The following KIF16B variants were observed in gnomAD, a reference collection of about 807,000 sequenced individuals.
KIF16B encodes kinesin family member 16B, also known as kinesin-like protein KIF16B.
Under a neutral mutation model 156.3 loss-of-function variants are expected in KIF16B, and 98 were observed. The observed-to-expected ratio is 0.63, with a 90% CI of 0.53 to 0.74. The LOEUF is 0.74. KIF16B is among the 30% of genes least tolerant of loss of function. The pLI is 0.00. For missense variants in KIF16B, 1,421 were observed against 1,606.5 expected, an observed-to-expected ratio of 0.88 and a Z score of 1.97; for synonymous variants, 564 against 583.7, an observed-to-expected ratio of 0.97 and a Z score of 0.49.
intron 23 of KIF16B, among the ~76,000 whole-genome samples, chr20:16,353,284 G>C (rs1392080482): frequency 3.3e-5 from 5 of 152,078 alleles, no homozygotes; most frequent in African/African-American, 1.2e-4. Context: ...GCCTACGCAT[G>C]AAATGTCCAA....
At chr20:16,563,271 G>A (rs1448514161) in intron 1 of KIF16B, among the ~76,000 whole-genome samples, 1 of 152,158 alleles carries the variant, frequency 6.6e-6, no homozygotes, top group Non-Finnish European at 1.5e-5. Context: ...TGAATGTGCG[G>A]GCTAAGTCCA....
intron 23 of KIF16B, among the ~76,000 whole-genome samples, chr20:16,352,956 C>T (rs575066944): frequency 1.1e-4 from 16 of 152,296 alleles, no homozygotes; most frequent in African/African-American, 3.8e-4. Context: ...CCCTGCTGGT[C>T]ACAGAGGGCA....
intron 23 of KIF16B, among the ~76,000 whole-genome samples, chr20:16,341,609 A>G (rs1189664916): frequency 6.6e-6 from 1 of 152,236 alleles, no homozygotes; most frequent in African/African-American, 2.4e-5. Flanking sequence ...TCTGCCCTCG[A>G]TATTTCAGTT....
intron 25 of KIF16B, among the ~76,000 whole-genome samples, chr20:16,306,391 G>A (rs1305536854): frequency 2.6e-5 from 4 of 152,156 alleles, no homozygotes; most frequent in Non-Finnish European, 5.9e-5. Context: ...ATAACACTGT[G>A]TCAATCTGGA....
At chr20:16,550,247 A>G (rs1181553446) in intron 1 of KIF16B, among the ~76,000 whole-genome samples, 1 of 148,762 alleles carries the variant, frequency 6.7e-6, no homozygotes, top group Non-Finnish European at 1.5e-5. Context: ...ACATGAAAAA[A>G]TGCTCATCAT....
At chr20:16,532,286 G>A (rs764984008) in intron 1 of KIF16B, among the ~76,000 whole-genome samples, 2 of 152,118 alleles carry the variant, frequency 1.3e-5, no homozygotes, top group Non-Finnish European at 2.9e-5. Context: ...AACCAGCTAA[G>A]GGGTAACATC....
At chr20:16,508,806 C>T (rs905961506) in intron 6 of KIF16B, among the ~76,000 whole-genome samples, 1 of 152,186 alleles carries the variant, frequency 6.6e-6, no homozygotes, top group Non-Finnish European at 1.5e-5. Context: ...ATAGCACATA[C>T]AAGAAAAATG....
rs767466387 is a variant in KIF16B at position 16,379,293 on chromosome 20, T to C, written c.2709A>G (p.Gln903=). ...GGTACTGTAGCTGGCGTTCTTTATA[T>C]TGCAGCCTGTACTCCACTGGCTTTA... is the stretch of plus-strand genomic sequence containing the variant. ...EKIKPVEYRL[Q]YKERQLQYLL... The change falls in exon 19 of 26, where the codon CAA becomes CAG. Residue 903 remains glutamine (Q), a synonymous_variant. Transcript: ENST00000354981. 1.5e-5 allele frequency: 24 copies of C among 1,613,390 alleles called. No individual in the cohort carries two copies. Among genetic ancestry groups the C allele is most frequent in the East Asian group, 2.2e-5 (1 of 44,878 alleles).
chr20:16,406,071 G>A (rs1028908771), intron 16 of KIF16B, among the ~76,000 whole-genome samples: 72 of 152,290 alleles, frequency 4.7e-4, no homozygotes, highest in South Asian at 1.0e-3. Context: ...ATTAGAGGAA[G>A]TCACTCTCCA....
At chr20:16,348,102 A>G (rs539966436) in intron 23 of KIF16B, among the ~76,000 whole-genome samples, 4 of 152,334 alleles carry the variant, frequency 2.6e-5, no homozygotes, top group African/African-American at 9.6e-5. Flanking sequence ...AACAGCCCCA[A>G]TTTACAAAGT....
Position 16,418,623 on chromosome 20 carries a change from T to C in KIF16B, c.1612+8481A>G, listed in dbSNP as rs138831624. On this transcript the variant is annotated intron_variant, in intron 15 of 25. Coordinates refer to ENST00000354981, the MANE Select transcript of KIF16B (RefSeq NM_024704.5). ...GAGTGGTTCTGGCCAATCTACAGGG[T>C]GCACAGTGAATGTTTCCATGTCCTC... 7.9e-5 allele frequency among the ~76,000 whole-genome samples: 12 copies of C among 152,236 alleles called. 1 individual carries two copies. In the East Asian group the frequency reaches 2.1e-3, roughly 27 times the overall value.
chr20:16,312,155 C>T (rs2063628822), intron 25 of KIF16B, among the ~76,000 whole-genome samples, 180 bp downstream of exon 25: 1 of 152,156 alleles, frequency 6.6e-6, no homozygotes, highest in African/African-American at 2.4e-5. Context: ...AAGATAAGGA[C>T]TTGTATTTTA....
At chr20:16,359,566 G>C (rs536601654) in intron 22 of KIF16B, among the ~76,000 whole-genome samples, 2 of 148,880 alleles carry the variant, frequency 1.3e-5, no homozygotes, top group African/African-American at 5.0e-5. Context: ...TACAACTGCA[G>C]AGTTCTCCAT....
intron 23 of KIF16B, among the ~76,000 whole-genome samples, chr20:16,343,479 T>A (rs2064177069): frequency 6.6e-6 from 1 of 152,186 alleles, no homozygotes; most frequent in Admixed American, 6.5e-5. Context: ...GCAATATTTT[T>A]TAAAGCAACA....
chr20:16,437,967 T>C lies in KIF16B; in HGVS notation c.1303-7985A>G, dbSNP rs192039292. Among the ~76,000 whole-genome samples, 1,069 of 142,866 alleles carry C rather than the reference T, an allele frequency of 7.5e-3. 19 individuals carry two copies. The highest frequency in any genetic ancestry group is 0.027 in the African/African-American group (1,026 of 38,292). The allele number at this position is 142,866 out of a possible 152,430, so 93.7% of individuals were successfully genotyped here. On this transcript the variant is annotated intron_variant, in intron 12 of 25. Transcript: ENST00000354981. ...GGAAAACAGGGTGAAACCCCATCTCTACTAAAAATAAAAAAAAATAATAAA... is the reference window on the plus strand; with the variant it reads ...GGAAAACAGGGTGAAACCCCATCTCCACTAAAAATAAAAAAAAATAATAAA...
chr20:16,431,862 TATATATATATATAC>T (rs1273160068), intron 12 of KIF16B, among the ~76,000 whole-genome samples: 2 of 142,248 alleles, frequency 1.4e-5, no homozygotes, highest in Non-Finnish European at 3.1e-5. Flanking sequence ...TATTAGTGTG[TATATATATATATAC>T]ATATATATAT....
At chr20:16,405,787 T>C (rs2065768071) in intron 16 of KIF16B, among the ~76,000 whole-genome samples, 1 of 152,186 alleles carries the variant, frequency 6.6e-6, no homozygotes. Flanking sequence ...GTAGAAATGT[T>C]AGCTGTAGCC....
At chr20:16,530,552 C>T (rs1486858396) in intron 1 of KIF16B, among the ~76,000 whole-genome samples, 2 of 152,134 alleles carry the variant, frequency 1.3e-5, no homozygotes, top group African/African-American at 2.4e-5. Context: ...AAGCCCGCAC[C>T]GGGACATGAT....
At chr20:16,430,076 T>A in intron 12 of KIF16B, 94 bp from the exon 13 acceptor site, 1 of 1,280,238 alleles carries the variant, frequency 7.8e-7, no homozygotes, top group Non-Finnish European at 1.1e-6. Context: ...GGGCAATATT[T>A]TATTTCTCAT....
Sources: allele counts gnomAD v4.1 joint callset (sites outside exome capture counted in the v4.1 genomes callset), GRCh38; gene constraint gnomAD v4.1.1; transcripts MANE v1.5; gene names NCBI Gene and HGNC (gene_info 2026-07-23, HGNC 2026-07-21).